The following IL18BP variants were observed in gnomAD, a reference collection of about 807,000 sequenced individuals.
IL18BP encodes interleukin-18-binding protein.
A neutral mutation model predicts 19.9 loss-of-function variants in IL18BP; 23 were observed. The ratio of observed to expected loss-of-function variants is 1.15; its 90% CI spans 0.83 to 1.64. IL18BP has a LOEUF of 1.64. IL18BP is among the 40% of genes most tolerant of loss of function. The pLI is 0.00. For synonymous variants in IL18BP, 107 were observed against 101.0 expected (o/e 1.06, Z -0.35); for missense variants, 239 against 240.7 (o/e 0.99, Z 0.05).
rs1295142627 is a variant in IL18BP at position 72,001,937 on chromosome 11, C to T, written c.*76C>T. 3 of 1,597,352 alleles carry T rather than the reference C, an allele frequency of 1.9e-6. No individual in the cohort carries two copies. Among genetic ancestry groups the T allele is most frequent in the South Asian group, 1.1e-5 (1 of 89,432 alleles). ...TACCTGTCTACCTGGAGTGAACAGT[C>T]CCTGACTGCCTGTAGGCTGCGTGGA... On this transcript the variant is annotated 3_prime_UTR_variant, in exon 6 of 6. Transcript: ENST00000393703.
chr11:72,002,123 A>T lies in IL18BP; in HGVS notation c.*262A>T. ...TAGCCTTCCTAACGTCCTACTCCTC[A>T]CACTGCTCTACTGCTCAGAAACCAC... On this transcript the variant is annotated 3_prime_UTR_variant, in exon 6 of 6. Transcript: ENST00000393703. The T allele has an allele frequency of 1.8e-6, 1 of 566,756 alleles. No individual in the cohort carries two copies. The highest frequency in any genetic ancestry group is 3.2e-6 in the Non-Finnish European group (1 of 315,600). The allele number at this position is 566,756 out of a possible 1,614,324, so 35.1% of individuals were successfully genotyped here. A position where few individuals can be genotyped will look rare whatever the true frequency, so the allele number is the denominator to read the frequency against.
downstream of IL18BP, chr11:72,005,569 G>A: frequency 1.8e-6 from 1 of 567,186 alleles, no homozygotes; most frequent in African/African-American, 1.9e-5. Context: ...CCTTCTCCCT[G>A]GAGAGGGCAG....
chr11:72,002,845 G>A (rs919117247), downstream of IL18BP: 39 of 205,772 alleles, frequency 1.9e-4, no homozygotes, highest in Non-Finnish European at 1.8e-4. Flanking sequence ...TTCCCACACC[G>A]ATCAAGTCAA....
At position 72,001,341 on chromosome 11, in the gene IL18BP, C is replaced by T. The variant is rs1425645513; in HGVS notation, c.359+17C>T. 4 of 1,614,214 alleles carry T rather than the reference C, an allele frequency of 2.5e-6. No homozygotes were observed. Among genetic ancestry groups the T allele is most frequent in the Non-Finnish European group, 3.4e-6 (4 of 1,180,042 alleles). On this transcript the variant is annotated intron_variant, in intron 4 of 5. Transcript: ENST00000393703. ...GAGCACCAGGTGAGGGTCGCAGCAG[C>T]CAGGTGGGTGGGAAGGAGGCCTTCT...
At chr11:72,007,562 A>G, downstream of IL18BP, 1 of 1,230,632 alleles carries the variant, frequency 8.1e-7, no homozygotes, top group Admixed American at 2.3e-5. Context: ...CATCTCTCTG[A>G]TTTTTCAGAG....
At chr11:72,003,684 T>G, downstream of IL18BP, 1 of 1,122,474 alleles carries the variant, frequency 8.9e-7, no homozygotes, top group Non-Finnish European at 1.3e-6. Context: ...TGGCTGTGCC[T>G]GAGCAGCTCT....
At chr11:72,006,558 GAAAT>G (rs1293697211), downstream of IL18BP, among the ~76,000 whole-genome samples, 1 of 152,196 alleles carries the variant, frequency 6.6e-6, no homozygotes, top group Non-Finnish European at 1.5e-5. Context: ...GAAGTGCAAA[GAAAT>G]AAAGTGACTA....
downstream of IL18BP, chr11:72,006,257 C>G: frequency 6.2e-7 from 1 of 1,613,800 alleles, no homozygotes; most frequent in Non-Finnish European, 8.5e-7. Context: ...TCTTCCACAT[C>G]TAGCTTCTGG....
downstream of IL18BP, chr11:72,006,340 C>A: frequency 7.9e-7 from 1 of 1,263,778 alleles, no homozygotes; most frequent in Non-Finnish European, 1.1e-6. Context: ...TTCCGAAGCC[C>A]TCAGATCCCA....
chr11:72,005,647 G>A (rs2134429323), downstream of IL18BP: 2 of 516,422 alleles, frequency 3.9e-6, no homozygotes, highest in Non-Finnish European at 6.8e-6. Flanking sequence ...CCAACACCCA[G>A]AGGAACAAAT....
chr11:72,007,425 G>T, downstream of IL18BP: 1 of 1,613,454 alleles, frequency 6.2e-7, no homozygotes, highest in South Asian at 1.1e-5. Flanking sequence ...GGCTGGGTAC[G>T]AGGCAGCTTG....
downstream of IL18BP, chr11:72,005,758 G>A (rs529594564): frequency 6.4e-5 from 32 of 503,798 alleles, no homozygotes; most frequent in Middle Eastern, 5.0e-4. Context: ...GCCCATCACC[G>A]CCTGAGAAGG....
downstream of IL18BP, chr11:72,005,183 C>T: frequency 1.3e-6 from 2 of 1,521,158 alleles, no homozygotes; most frequent in Non-Finnish European, 1.8e-6. Flanking sequence ...AGGTGGGATT[C>T]CAAGGGAGGG....
downstream of IL18BP, chr11:72,007,858 G>C (rs781065325): frequency 4.6e-5 from 16 of 350,684 alleles, no homozygotes; most frequent in Non-Finnish European, 7.1e-5. Flanking sequence ...CAAGCTTCCT[G>C]AACAGCTCCT....
downstream of IL18BP, chr11:72,007,654 G>A: frequency 1.6e-6 from 1 of 607,886 alleles, no homozygotes; most frequent in African/African-American, 1.9e-5. Context: ...TAGTGGCAAT[G>A]CCCAGACCCA....
chr11:72,005,403 C>A, downstream of IL18BP: 9 of 1,594,466 alleles, frequency 5.6e-6, no homozygotes, highest in Non-Finnish European at 7.7e-6. Flanking sequence ...ACAAATGAGC[C>A]TGGAGTCGGC....
chr11:72,004,008 G>A, downstream of IL18BP: 1 of 1,613,470 alleles, frequency 6.2e-7, no homozygotes, highest in Non-Finnish European at 8.5e-7. Flanking sequence ...CTTGGACAGG[G>A]CCTTCTTTGA....
At position 72,001,467 on chromosome 11, in the gene IL18BP, C is replaced by G; in HGVS notation, c.422C>G (p.Pro141Arg). Residue 141 changes from proline (P) to arginine (R), a missense_variant, in exon 5 of 6, where the codon CCT becomes CGT. Transcript: ENST00000393703. ...CKALVLEQLT[P>R]ALHSTNFSCV... Reference sequence around the variant, plus strand: ...GCCTTGGTGCTGGAGCAGCTGACCCCTGCCCTGCACAGCACCAACTTCTCC... The same window carrying G: ...GCCTTGGTGCTGGAGCAGCTGACCCGTGCCCTGCACAGCACCAACTTCTCC... 1 of 1,614,168 alleles carries G rather than the reference C, an allele frequency of 6.2e-7. No homozygotes were observed. The highest frequency in any genetic ancestry group is 8.5e-7 in the Non-Finnish European group (1 of 1,180,026).
downstream of IL18BP, chr11:72,003,354 G>A (rs975912885): frequency 1.3e-5 from 9 of 667,712 alleles, no homozygotes; most frequent in South Asian, 3.6e-5. Context: ...CCGAGAAGGC[G>A]CCAGTGAAGG....
Sources: allele counts gnomAD v4.1 joint callset (sites outside exome capture counted in the v4.1 genomes callset), GRCh38; gene constraint gnomAD v4.1.1; transcripts MANE v1.5; gene names NCBI Gene and HGNC (gene_info 2026-07-23, HGNC 2026-07-21).